CERK: variants seen among roughly 807,000 people sequenced by gnomAD.
CERK encodes ceramide kinase, also known as acylsphingosine kinase.
Under a neutral mutation model 63.4 loss-of-function variants are expected in CERK, and 39 were observed. That is an observed-to-expected ratio of 0.61 (90% CI 0.48 to 0.80). The LOEUF (loss-of-function observed/expected upper bound fraction) is 0.80. Among genes scored for constraint, CERK ranks in the 30% least tolerant of loss-of-function variants. CERK has a pLI of 0.00. For synonymous variants in CERK, 302 were observed against 280.0 expected, an observed-to-expected ratio of 1.08 and a Z score of -0.78; for missense variants, 670 against 714.1, an observed-to-expected ratio of 0.94 and a Z score of 0.70.
chr22:46,717,080 A>G (rs2082870394), intron 3 of CERK, among the ~76,000 whole-genome samples: 1 of 152,122 alleles, frequency 6.6e-6, no homozygotes, highest in South Asian at 2.1e-4. Context: ...TGTGTTTCTC[A>G]ACCTCATTAA....
intron 1 of CERK, among the ~76,000 whole-genome samples, chr22:46,729,492 T>C (rs541282494): frequency 1.3e-5 from 2 of 152,202 alleles, no homozygotes; most frequent in South Asian, 2.1e-4. Flanking sequence ...CACCGTAACC[T>C]CGAATTCCTG....
At position 46,712,279 on chromosome 22, in the gene CERK, G is replaced by A. The variant is rs777214220; in HGVS notation, c.394C>T (p.His132Tyr). Reference sequence around the variant, plus strand: ...AACGGGTTGATAAATACCAGTAAATGCTTTGGTCTGGACGCTGTAAGACAA... The same window carrying A: ...AACGGGTTGATAAATACCAGTAAATACTTTGGTCTGGACGCTGTAAGACAA... Reference protein sequence around the residue: ...MLEKLTSRPKHLLVFINPFGG... With the variant: ...MLEKLTSRPKYLLVFINPFGG... Residue 132 changes from histidine (H) to tyrosine (Y), a missense_variant, in exon 4 of 13, where the codon CAT becomes TAT. Physicochemically the swap from His to Tyr is moderately conservative, Grantham distance 83. Transcript: ENST00000216264. 1 of 1,613,792 alleles carries A rather than the reference G, an allele frequency of 6.2e-7. No individual in the cohort carries two copies. Among genetic ancestry groups the A allele is most frequent in the Non-Finnish European group, 8.5e-7 (1 of 1,179,808 alleles).
intron 6 of CERK, among the ~76,000 whole-genome samples, chr22:46,705,017 T>G (rs756759375): frequency 6.6e-6 from 1 of 152,186 alleles, no homozygotes; most frequent in Non-Finnish European, 1.5e-5. Flanking sequence ...TAAGGCAGCA[T>G]ACTCAGTCTA....
chr22:46,693,539 G>A (rs879609315), intron 9 of CERK, 36 bp from the exon 10 acceptor site: 4 of 1,558,474 alleles, frequency 2.6e-6, no homozygotes, highest in Middle Eastern at 1.7e-4. Context: ...TTTAAATATG[G>A]AGCTGCAGGT....
Position 46,691,705 on chromosome 22 carries a change from C to A in CERK, c.1199G>T (p.Cys400Phe). 3 of 1,614,060 alleles carry A rather than the reference C, an allele frequency of 1.9e-6. No individual in the cohort carries two copies. Among genetic ancestry groups the A allele is most frequent in the Admixed American group, 3.3e-5 (2 of 60,028 alleles). ...AINATNMSCA[C>F]RRSPRGLSPA... Reference sequence around the variant, plus strand: ...GGAGAGGCCCCTGGGGCTCCGGCGACAAGCACAGGACATGTTTGTGGCATT... The same window carrying A: ...GGAGAGGCCCCTGGGGCTCCGGCGAAAAGCACAGGACATGTTTGTGGCATT... Residue 400 changes from cysteine (C) to phenylalanine (F), a missense_variant, in exon 11 of 13, where the codon TGT becomes TTT. Transcript: ENST00000216264.
intron 1 of CERK, among the ~76,000 whole-genome samples, chr22:46,736,326 G>A (rs535543840): frequency 2.6e-5 from 4 of 152,358 alleles, no homozygotes; most frequent in Non-Finnish European, 4.4e-5. Context: ...GCCCTGTAAG[G>A]GTCTGGCGTC....
In CERK at chr22:46,738,227, G is replaced by T; in HGVS notation, c.-79C>A. The T allele has an allele frequency of 2.2e-6, 2 of 923,936 alleles. No individual in the cohort carries two copies. Among genetic ancestry groups the T allele is most frequent in the South Asian group, 4.9e-5 (1 of 20,360 alleles). 57.2% of individuals were successfully genotyped at this position (923,936 alleles called of 1,614,324 possible). On this transcript the variant is annotated 5_prime_UTR_variant, in exon 1 of 13. Transcript: ENST00000216264. ...CCGGACCGTTAGCGGCCCCTGCAGT[G>T]GCCCGGGCGGCGGGCGGCGGGCGGC... is the stretch of plus-strand genomic sequence containing the variant.
intron 3 of CERK, among the ~76,000 whole-genome samples, chr22:46,713,636 C>T (rs187308509): frequency 4.7e-4 from 72 of 152,078 alleles, no homozygotes; most frequent in African/African-American, 1.3e-3. Flanking sequence ...GAAATCGAGA[C>T]GCAGTCCACA....
intron 3 of CERK, among the ~76,000 whole-genome samples, chr22:46,719,657 G>T (rs1472853984): frequency 2.0e-5 from 3 of 152,184 alleles, no homozygotes; most frequent in Non-Finnish European, 4.4e-5. Context: ...GAGCAACCAA[G>T]CAAGACTCCA....
intron 1 of CERK, among the ~76,000 whole-genome samples, chr22:46,736,432 C>T (rs2082973868): frequency 6.6e-6 from 1 of 152,212 alleles, no homozygotes; most frequent in Non-Finnish European, 1.5e-5. Context: ...TGCAGATCGG[C>T]CCCTGCATCC....
intron 11 of CERK, among the ~76,000 whole-genome samples, chr22:46,691,224 G>A (rs765161333): frequency 6.6e-6 from 1 of 152,032 alleles, no homozygotes; most frequent in Non-Finnish European, 1.5e-5. Flanking sequence ...ACAGGCGCAC[G>A]CCACCACGCC....
At chr22:46,735,860 G>T (rs2082970674) in intron 1 of CERK, among the ~76,000 whole-genome samples, 1 of 152,222 alleles carries the variant, frequency 6.6e-6, no homozygotes. Context: ...GATTCCTTTT[G>T]GGGACTGTAA....
At chr22:46,708,870 G>A (rs1219739722) in intron 5 of CERK, among the ~76,000 whole-genome samples, 3 of 152,126 alleles carry the variant, frequency 2.0e-5, no homozygotes, top group Non-Finnish European at 1.5e-5. Context: ...CGGTAGAGGA[G>A]CGGTGTGAGT....
chr22:46,722,321 C>G (rs1198914944), intron 1 of CERK, among the ~76,000 whole-genome samples: 2 of 152,166 alleles, frequency 1.3e-5, no homozygotes, highest in Non-Finnish European at 2.9e-5. Context: ...CCTTTGAGCA[C>G]TGTAGAAACC....
intron 1 of CERK, among the ~76,000 whole-genome samples, chr22:46,734,108 T>C (rs547029414): frequency 5.3e-5 from 8 of 151,360 alleles, no homozygotes; most frequent in Admixed American, 4.6e-4. Flanking sequence ...ATAATCCAGC[T>C]TTCTACTCTT....
chr22:46,711,433 C>G (rs1473231678), intron 4 of CERK, among the ~76,000 whole-genome samples: 1 of 152,152 alleles, frequency 6.6e-6, no homozygotes, highest in East Asian at 1.9e-4. Context: ...GAGATTACGT[C>G]TCTTTTATAA....
chr22:46,715,438 C>T (rs1471042835), intron 3 of CERK, among the ~76,000 whole-genome samples: 2 of 152,200 alleles, frequency 1.3e-5, no homozygotes, highest in African/African-American at 2.4e-5. Context: ...CATTTCTATA[C>T]ACAAACAATA....
chr22:46,718,618 A>G (rs2082877344), intron 3 of CERK, among the ~76,000 whole-genome samples: 1 of 152,230 alleles, frequency 6.6e-6, no homozygotes, highest in Non-Finnish European at 1.5e-5. Flanking sequence ...GGGCTCCTTC[A>G]AGCAATGATG....
intron 11 of CERK, 91 bp from the exon 12 acceptor site, chr22:46,690,291 G>C: frequency 1.0e-6 from 1 of 967,374 alleles, no homozygotes; most frequent in Non-Finnish European, 1.5e-6. Flanking sequence ...AGCGAGCGCT[G>C]TCAGGCCTGG....
Sources: gnomAD v4.1 joint callset for allele counts (sites outside exome capture counted in the v4.1 genomes callset) on GRCh38, gnomAD v4.1.1 for gene constraint, MANE v1.5 for transcripts, NCBI Gene and HGNC (gene_info 2026-07-23, HGNC 2026-07-21) for gene names.